The following RBFOX1 variants were observed in gnomAD, a reference collection of about 807,000 sequenced individuals.
RBFOX1 encodes the protein RNA binding protein fox-1 homolog 1.
A neutral mutation model predicts 57.7 loss-of-function variants in RBFOX1; 8 were observed. That is an observed-to-expected ratio of 0.14 (90% confidence interval 0.08 to 0.25). The LOEUF (loss-of-function observed/expected upper bound fraction) is 0.25. Ranked by LOEUF, RBFOX1 falls within the 10% of genes least tolerant of loss-of-function variation. The probability of loss-of-function intolerance (pLI) is 1.00; values close to 1 mark genes in which losing one functional copy is unlikely to be tolerated. For synonymous variants in RBFOX1, 326 were observed against 222.4 expected, an observed-to-expected ratio of 1.47 and a Z score of -4.15; for missense variants, 611 against 548.5, an observed-to-expected ratio of 1.11 and a Z score of -1.14.
intron 2 of RBFOX1, among the ~76,000 whole-genome samples, chr16:5,597,714 C>G (rs1291773019): frequency 1.3e-5 from 2 of 152,016 alleles, no homozygotes; most frequent in African/African-American, 4.8e-5. Flanking sequence ...ACTTTTGAGG[C>G]AGGAGCAGTT....
At chr16:5,942,540 C>A (rs1197016330) in intron 4 of RBFOX1, among the ~76,000 whole-genome samples, 1 of 152,154 alleles carries the variant, frequency 6.6e-6, no homozygotes, top group Non-Finnish European at 1.5e-5. Flanking sequence ...AGAACAGTGG[C>A]TGGTTATCGT....
At chr16:7,240,947 C>T (rs1283773557) in intron 4 of RBFOX1, among the ~76,000 whole-genome samples, 2 of 152,184 alleles carry the variant, frequency 1.3e-5, no homozygotes, top group East Asian at 1.9e-4. Context: ...AAGTTTCTAA[C>T]TTTGTTGGAA....
At chr16:6,295,125 T>G in intron 1 of RBFOX1, among the ~76,000 whole-genome samples, 1 of 77,552 alleles carries the variant, frequency 1.3e-5, no homozygotes, top group East Asian at 5.5e-4. Context: ...TTTTTTTTTT[T>G]TGAGACGGGG....
At position 7,519,216 on chromosome 16, in the gene RBFOX1, C is replaced by T. The variant is rs148034641; in HGVS notation, c.270+827C>T. Among the ~76,000 whole-genome samples the T allele has an allele frequency of 7.3e-3, 1,114 of 152,292 alleles. 10 individuals are homozygous for T. The highest frequency in any genetic ancestry group is 0.027 in the Middle Eastern group (8 of 294). The stretch of plus-strand genomic sequence containing the variant: ...TGCCCCTTTGCAGCCACTCCTCATT[C>T]ATACCTCAGAGCTCTGAACCTCGCT... On this transcript the variant is annotated intron_variant, in intron 5 of 15. Transcript: ENST00000550418.
chr16:7,001,266 G>C (rs886957051), intron 3 of RBFOX1, among the ~76,000 whole-genome samples: 3 of 152,072 alleles, frequency 2.0e-5, no homozygotes, highest in African/African-American at 4.8e-5. Flanking sequence ...TTGTTCAGAT[G>C]GATGGAGAGA....
intron 4 of RBFOX1, among the ~76,000 whole-genome samples, chr16:5,933,135 C>T (rs1322766087): frequency 6.6e-6 from 1 of 152,162 alleles, no homozygotes; most frequent in Non-Finnish European, 1.5e-5. Context: ...TTTTCAATTG[C>T]TTTCAAATAG....
intron 4 of RBFOX1, among the ~76,000 whole-genome samples, chr16:7,116,467 A>G (rs1379342019): frequency 6.6e-6 from 1 of 152,130 alleles, no homozygotes; most frequent in Non-Finnish European, 1.5e-5. Context: ...CTCTCAAACC[A>G]GTTTATTGAA....
At chr16:6,256,233 G>GTGTATATA (rs2097664515) in intron 1 of RBFOX1, among the ~76,000 whole-genome samples, 2 of 42,128 alleles carry the variant, frequency 4.7e-5, no homozygotes, top group Non-Finnish European at 1.0e-4. Context: ...ATATATATAT[G>GTGTATATA]TGTATATATA....
intron 4 of RBFOX1, among the ~76,000 whole-genome samples, chr16:7,250,705 T>G (rs1328254358): frequency 2.0e-5 from 3 of 152,244 alleles, no homozygotes; most frequent in African/African-American, 7.2e-5. Flanking sequence ...ATTTTTTATG[T>G]ACCCAGGGCA....
At chr16:7,403,421 C>G (rs1407850736) in intron 4 of RBFOX1, among the ~76,000 whole-genome samples, 2 of 152,192 alleles carry the variant, frequency 1.3e-5, no homozygotes, top group Non-Finnish European at 2.9e-5. Context: ...CACTCTTCTC[C>G]TGTCTGTCTA....
chr16:6,013,402 C>T (rs2094973533), intron 4 of RBFOX1, among the ~76,000 whole-genome samples: 2 of 152,162 alleles, frequency 1.3e-5, no homozygotes, highest in Non-Finnish European at 1.5e-5. Context: ...CCATTTGGTG[C>T]TGCAGATTAC....
intron 3 of RBFOX1, among the ~76,000 whole-genome samples, chr16:6,973,165 G>A (rs958786112): frequency 3.3e-5 from 5 of 151,222 alleles, no homozygotes; most frequent in African/African-American, 9.7e-5. Context: ...TAGAGACAAG[G>A]CCATCAGCTT....
chr16:6,747,998 A>G (rs1207921905), intron 3 of RBFOX1, among the ~76,000 whole-genome samples: 2 of 152,126 alleles, frequency 1.3e-5, no homozygotes, highest in South Asian at 2.1e-4. Flanking sequence ...ATTATACAAG[A>G]CTTAGGTTGT....
At chr16:6,858,799 C>T (rs1054585650) in intron 3 of RBFOX1, among the ~76,000 whole-genome samples, 3 of 151,996 alleles carry the variant, frequency 2.0e-5, no homozygotes, top group Non-Finnish European at 2.9e-5. Flanking sequence ...GAAATTAGAG[C>T]AGTGGCATTC....
At chr16:6,701,654 G>A (rs2061873794) in intron 3 of RBFOX1, among the ~76,000 whole-genome samples, 1 of 152,054 alleles carries the variant, frequency 6.6e-6, no homozygotes, top group Non-Finnish European at 1.5e-5. Flanking sequence ...GTACACCTGT[G>A]TTCATTACCC....
At chr16:6,887,761 C>G (rs915155939) in intron 3 of RBFOX1, among the ~76,000 whole-genome samples, 3 of 151,778 alleles carry the variant, frequency 2.0e-5, no homozygotes, top group Admixed American at 1.3e-4. Context: ...CTCCCAGGTT[C>G]AAGTGATTCT....
At chr16:7,618,600 T>G (rs553540536) in intron 10 of RBFOX1, among the ~76,000 whole-genome samples, 1 of 152,296 alleles carries the variant, frequency 6.6e-6, no homozygotes, top group East Asian at 1.9e-4. Context: ...ACTTTTTGCT[T>G]CCCACTTTCA....
chr16:6,894,558 C>G (rs1402407020), intron 3 of RBFOX1, among the ~76,000 whole-genome samples: 3 of 152,184 alleles, frequency 2.0e-5, no homozygotes, highest in African/African-American at 4.8e-5. Context: ...ACCCCCAAAA[C>G]AAGAAGTATT....
At chr16:5,475,340 G>C (rs987660913) in intron 2 of RBFOX1, among the ~76,000 whole-genome samples, 1 of 152,174 alleles carries the variant, frequency 6.6e-6, no homozygotes, top group Non-Finnish European at 1.5e-5. Flanking sequence ...GATTTAAGTT[G>C]AGCCTTGAAG....
Sources: gnomAD v4.1 joint callset for allele counts (sites outside exome capture counted in the v4.1 genomes callset) on GRCh38, gnomAD v4.1.1 for gene constraint, MANE v1.5 for transcripts, NCBI Gene and HGNC (gene_info 2026-07-23, HGNC 2026-07-21) for gene names.